SLC2A13: variants seen among roughly 807,000 people sequenced by gnomAD.
SLC2A13 encodes the protein proton myo-inositol cotransporter.
In SLC2A13, 32 loss-of-function variants were observed where a neutral mutation model predicts 64.4. The observed-to-expected ratio is 0.50, with a 90% CI of 0.37 to 0.67. SLC2A13 has a LOEUF of 0.67. Among genes scored for constraint, SLC2A13 ranks in the 30% least tolerant of loss-of-function variants. The pLI is 0.00. For missense variants in SLC2A13, 743 were observed against 829.2 expected (o/e 0.90, Z 1.28); for synonymous variants, 338 against 327.1 (o/e 1.03, Z -0.36).
chr12:39,914,779 T>C lies in SLC2A13; in HGVS notation c.1034+36478A>G, dbSNP rs186432858. Among the ~76,000 whole-genome samples, 109 of 152,104 alleles carry C rather than the reference T, an allele frequency of 7.2e-4. 2 individuals carry two copies. Among genetic ancestry groups the C allele is most frequent in the Non-Finnish European group, 3.2e-4 (22 of 67,950 alleles). Reference sequence around the variant, plus strand: ...GGACTCGCTGTGTAGAACTTGATTCTCTACCTAAGTCAGAAAAACATCGGA... The same window carrying C: ...GGACTCGCTGTGTAGAACTTGATTCCCTACCTAAGTCAGAAAAACATCGGA... On this transcript the variant is annotated intron_variant, in intron 4 of 9. Transcript: ENST00000280871.
At position 39,998,932 on chromosome 12, in the gene SLC2A13, C is replaced by CT. The variant is rs532492399; in HGVS notation, c.925+29368dup. On this transcript the variant is annotated intron_variant, in intron 3 of 9. Coordinates refer to ENST00000280871, the MANE Select transcript of SLC2A13 (RefSeq NM_052885.4). ...AGAGCACTGAATCATGTGGGCAGGT[C>CT]TTTCCCATGCTGTTCTCCTGAGAGT... Among the ~76,000 whole-genome samples, 12 of 152,270 alleles carry CT rather than the reference C, an allele frequency of 7.9e-5. No individual in the cohort carries two copies. In the South Asian group the frequency reaches 2.1e-3, roughly 26 times the overall value.
chr12:40,053,259 C>T (rs956645766), intron 1 of SLC2A13, among the ~76,000 whole-genome samples: 26 of 126,498 alleles, frequency 2.1e-4, no homozygotes, highest in African/African-American at 3.4e-4. Context: ...TATAGCCTGG[C>T]GACAGAGCAA....
intron 6 of SLC2A13, among the ~76,000 whole-genome samples, chr12:39,842,663 G>A (rs1190014211): frequency 6.6e-6 from 1 of 152,016 alleles, no homozygotes; most frequent in Non-Finnish European, 1.5e-5. Context: ...TTTTAACAAT[G>A]TTAAAGCTTG....
chr12:39,995,412 C>T (rs971986529), intron 3 of SLC2A13, among the ~76,000 whole-genome samples: 8 of 152,126 alleles, frequency 5.3e-5, no homozygotes, highest in Admixed American at 1.3e-4. Flanking sequence ...TTCCCCTCCC[C>T]GCTACCCTTC....
chr12:39,893,343 AG>A (rs1944661303), intron 4 of SLC2A13, among the ~76,000 whole-genome samples: 1 of 152,208 alleles, frequency 6.6e-6, no homozygotes, highest in Non-Finnish European at 1.5e-5. Context: ...TCTGTCGCCC[AG>A]GCTGGAGCAC....
At chr12:39,777,352 T>C (rs1056583159) in intron 7 of SLC2A13, among the ~76,000 whole-genome samples, 7 of 152,208 alleles carry the variant, frequency 4.6e-5, no homozygotes, top group African/African-American at 1.7e-4. Context: ...TGAGTTTATT[T>C]AGATGAAGGT....
intron 1 of SLC2A13, among the ~76,000 whole-genome samples, chr12:40,067,504 A>G (rs1381796345): frequency 7.0e-6 from 1 of 142,028 alleles, no homozygotes; most frequent in African/African-American, 2.5e-5. Flanking sequence ...TTATTTAAAC[A>G]TAATAAACAT....
chr12:39,826,805 A>T (rs907235998), intron 7 of SLC2A13, among the ~76,000 whole-genome samples: 1 of 150,384 alleles, frequency 6.6e-6, no homozygotes, highest in Non-Finnish European at 1.5e-5. Flanking sequence ...AACTTTCAGT[A>T]TAATTGAAAA....
chr12:39,775,468 T>G (rs74090330), intron 7 of SLC2A13, among the ~76,000 whole-genome samples: 2,808 of 152,360 alleles, frequency 0.018, 101 homozygotes, highest in African/African-American at 0.065. Context: ...GGCTACGGGC[T>G]CAGAGGAGCC....
At chr12:39,947,038 C>A (rs1203235664) in intron 4 of SLC2A13, among the ~76,000 whole-genome samples, 1 of 152,182 alleles carries the variant, frequency 6.6e-6, no homozygotes, top group Admixed American at 6.5e-5. Context: ...CTTTCTGCTG[C>A]TTCCTCTACC....
At chr12:39,978,516 G>A (rs542036993) in intron 3 of SLC2A13, among the ~76,000 whole-genome samples, 235 of 152,308 alleles carry the variant, frequency 1.5e-3, no homozygotes, top group Non-Finnish European at 1.5e-3. Context: ...CCTGGGAAGC[G>A]CAAGGGGTCA....
At chr12:39,868,270 G>C (rs911516999) in intron 5 of SLC2A13, among the ~76,000 whole-genome samples, 1 of 152,112 alleles carries the variant, frequency 6.6e-6, no homozygotes, top group Non-Finnish European at 1.5e-5. Context: ...TTGGAATTTT[G>C]ATATAATTTG....
intron 4 of SLC2A13, among the ~76,000 whole-genome samples, chr12:39,942,671 G>A (rs1946054373): frequency 6.6e-6 from 1 of 152,080 alleles, no homozygotes. Flanking sequence ...GTTTTTTCAA[G>A]GTTCATAGCT....
rs139283662 is a variant in SLC2A13 at position 40,027,276 on chromosome 12, T to C, written c.925+1025A>G. On this transcript the variant is annotated intron_variant, in intron 3 of 9. Transcript: ENST00000280871. ...TTGCACTAATATGTTACTCTAGAAATGCTGACATTGCTGGACACCTGGCTG... is the reference window on the plus strand; with the variant it reads ...TTGCACTAATATGTTACTCTAGAAACGCTGACATTGCTGGACACCTGGCTG... 2.7e-3 allele frequency among the ~76,000 whole-genome samples: 406 copies of C among 152,322 alleles called. 2 individuals carry two copies. The highest frequency in any genetic ancestry group is 9.3e-3 in the African/African-American group (385 of 41,564).
chr12:39,850,073 T>C (rs1426120333), intron 6 of SLC2A13, among the ~76,000 whole-genome samples: 1 of 152,150 alleles, frequency 6.6e-6, no homozygotes, highest in East Asian at 1.9e-4. Flanking sequence ...TATCCCTCTT[T>C]CTGCAATGTC....
At chr12:39,821,683 G>A (rs1270605363) in intron 7 of SLC2A13, among the ~76,000 whole-genome samples, 5 of 152,286 alleles carry the variant, frequency 3.3e-5, no homozygotes, top group African/African-American at 7.2e-5. Context: ...AAAAGAGGAC[G>A]TGGCAAATCC....
At chr12:40,101,582 T>A (rs1939149645) in intron 1 of SLC2A13, among the ~76,000 whole-genome samples, 1 of 152,176 alleles carries the variant, frequency 6.6e-6, no homozygotes, top group African/African-American at 2.4e-5. Flanking sequence ...AACCCTCACA[T>A]CTCAGATTCA....
intron 6 of SLC2A13, among the ~76,000 whole-genome samples, chr12:39,857,022 G>A (rs1943627508): frequency 6.6e-6 from 1 of 152,128 alleles, no homozygotes; most frequent in African/African-American, 2.4e-5. Flanking sequence ...TATTTTAAGT[G>A]GATTTACTTG....
chr12:39,828,307 G>A (rs1057344880), intron 7 of SLC2A13, among the ~76,000 whole-genome samples: 1 of 151,898 alleles, frequency 6.6e-6, no homozygotes, highest in Non-Finnish European at 1.5e-5. Flanking sequence ...AGGATATGCT[G>A]TGAACATCAT....
Sources: gnomAD v4.1 joint callset for allele counts (sites outside exome capture counted in the v4.1 genomes callset) on GRCh38, gnomAD v4.1.1 for gene constraint, MANE v1.5 for transcripts, NCBI Gene and HGNC (gene_info 2026-07-23, HGNC 2026-07-21) for gene names.